IQGAP2: variants seen among roughly 807,000 people sequenced by gnomAD.
IQGAP2 encodes the protein IQ motif containing GTPase activating protein 2, also known as ras GTPase-activating-like protein IQGAP2.
Under a neutral mutation model 201.3 loss-of-function variants are expected in IQGAP2, and 173 were observed. The ratio of observed to expected loss-of-function variants is 0.86; its 90% CI spans 0.76 to 0.98. The LOEUF (loss-of-function observed/expected upper bound fraction) is 0.98, where lower values mean the gene tolerates loss of function less well. IQGAP2 is among the 50% of genes least tolerant of loss of function. The pLI, the probability that IQGAP2 is intolerant of heterozygous loss-of-function variation, is 0.00. For missense variants in IQGAP2, 1,687 were observed against 1,864.8 expected, an observed-to-expected ratio of 0.90 and a Z score of 1.76; for synonymous variants, 675 against 673.9, an observed-to-expected ratio of 1.00 and a Z score of -0.03.
intron 17 of IQGAP2, among the ~76,000 whole-genome samples, chr5:76,642,677 A>G (rs1751684418): frequency 6.6e-6 from 1 of 152,180 alleles, no homozygotes; most frequent in Admixed American, 6.5e-5. Context: ...GATATCTGAG[A>G]AGGTCCCCTA....
At chr5:76,521,675 C>T (rs1050789647) in intron 2 of IQGAP2, among the ~76,000 whole-genome samples, 4 of 152,212 alleles carry the variant, frequency 2.6e-5, no homozygotes, top group Non-Finnish European at 5.9e-5. Context: ...TGTCCCGTGA[C>T]TTTCAGTCCA....
Position 76,403,746 on chromosome 5 carries a change from A to C in IQGAP2, c.46+155A>C, listed in dbSNP as rs572795945. ...GCAAAGTTGGGAGCTGGAGTTGCAA[A>C]GGGCAGTGAATCGCGTCCCCCCGCT... On this transcript the variant is annotated intron_variant, in intron 1 of 35. Transcript: ENST00000274364. This position sits in a 1 kb window ranked among gnomAD's most constrained non-coding sequence, Gnocchi z 4.8. 2.0e-5 allele frequency among the ~76,000 whole-genome samples: 3 copies of C among 152,208 alleles called. No homozygotes were observed. The East Asian group carries it at 5.8e-4, about 30-fold the overall frequency.
chr5:76,447,928 C>T (rs576894849), intron 1 of IQGAP2, among the ~76,000 whole-genome samples: 8 of 152,204 alleles, frequency 5.3e-5, no homozygotes, highest in African/African-American at 1.7e-4. Context: ...GAGCTGTGCC[C>T]CCAAATATTC....
At chr5:76,464,342 T>G (rs778488063) in intron 2 of IQGAP2, among the ~76,000 whole-genome samples, 61 of 152,356 alleles carry the variant, frequency 4.0e-4, no homozygotes, top group Non-Finnish European at 7.1e-4. Context: ...TATTGCATGA[T>G]TCTTTTAAAG....
chr5:76,562,075 A>G (rs1744412678), intron 2 of IQGAP2, among the ~76,000 whole-genome samples: 1 of 152,240 alleles, frequency 6.6e-6, no homozygotes, highest in Non-Finnish European at 1.5e-5. Flanking sequence ...CAGCAGGACT[A>G]ATTCCACCTA....
intron 13 of IQGAP2, chr5:76,617,756 G>C: frequency 6.2e-7 from 1 of 1,613,780 alleles, no homozygotes; most frequent in Non-Finnish European, 8.5e-7. Context: ...GAATAATATT[G>C]CTTGGAGCAA....
Position 76,600,817 on chromosome 5 carries a change from C to G in IQGAP2, c.1077C>G (p.Tyr359Ter). ...FNLQKQNTMNYLAHEELLIAV... is the reference protein window; with the variant it reads ...FNLQKQNTMN ...TGCCATATGTTTTCCAACAGAACTA[C>G]TTGGCCCACGAGGAGCTTTTGATTG... Residue 359 changes from tyrosine (Y) to a stop codon, truncating the protein, a stop_gained, in exon 11 of 36, where the codon TAC becomes TAG. Transcript: ENST00000274364. LOFTEE classifies it high-confidence loss of function. 1 of 1,614,058 alleles carries G rather than the reference C, an allele frequency of 6.2e-7. No individual in the cohort carries two copies. The highest frequency in any genetic ancestry group is 8.5e-7 in the Non-Finnish European group (1 of 1,179,944).
At chr5:76,582,751 C>T (rs1315925990) in intron 5 of IQGAP2, among the ~76,000 whole-genome samples, 1 of 151,910 alleles carries the variant, frequency 6.6e-6, no homozygotes, top group Admixed American at 6.6e-5. Flanking sequence ...ATGTATGTGA[C>T]TAAGATGGAA....
intron 2 of IQGAP2, among the ~76,000 whole-genome samples, chr5:76,560,318 C>CTT (rs34182814): frequency 6.0e-5 from 8 of 133,336 alleles, no homozygotes; most frequent in South Asian, 2.5e-4. Flanking sequence ...ATGCCTGGCT[C>CTT]TTTTTTTTTT....
At position 76,589,728 on chromosome 5, in the gene IQGAP2, T is replaced by C. The variant is rs760094572; in HGVS notation, c.640T>C (p.Leu214=). The C allele has an allele frequency of 1.8e-5, 28 of 1,565,880 alleles. No homozygotes were observed. The highest frequency in any genetic ancestry group is 2.2e-5 in the Non-Finnish European group (25 of 1,152,364). ...TGAACTGTCCGTGGATGAAGCTGCA[T>C]GTAAGTCCATTCAAAATCCAAACTT... The part of the protein sequence containing the change: ...ANELSVDEAA[L]HAAVIAINEA... The change falls in exon 7 of 36, where the codon TTA becomes CTA. Residue 214 remains leucine (L), a splice_region_variant and synonymous_variant. Transcript: ENST00000274364.
chr5:76,535,791 G>C (rs1292169092), intron 2 of IQGAP2, among the ~76,000 whole-genome samples: 2 of 152,190 alleles, frequency 1.3e-5, no homozygotes, highest in Admixed American at 1.3e-4. Flanking sequence ...TGCGCCCAGA[G>C]TAACCTGTTC....
At chr5:76,451,821 G>A (rs1249608375) in intron 1 of IQGAP2, among the ~76,000 whole-genome samples, 10 of 152,106 alleles carry the variant, frequency 6.6e-5, no homozygotes, top group Non-Finnish European at 1.2e-4. Context: ...GATCACTTGC[G>A]GCCAGGAGTT....
At position 76,607,106 on chromosome 5, in the gene IQGAP2, C is replaced by G. The variant is rs906333633; in HGVS notation, c.1357+803C>G. ...TTTGACTTTTCTAACTCATTTGCTC[C>G]AAGCTCGCGGATAGAGTGGGCAGAT... On this transcript the variant is annotated intron_variant, in intron 12 of 35. Coordinates refer to ENST00000274364, the MANE Select transcript of IQGAP2 (RefSeq NM_006633.5). The G allele has an allele frequency of 2.0e-5, 3 of 152,200 alleles. No homozygotes were observed. The East Asian group carries it at 5.8e-4, about 29-fold the overall frequency. The allele number at this position is 152,200 out of a possible 1,614,324, so 9.4% of individuals were successfully genotyped here. A position where few individuals can be genotyped will look rare whatever the true frequency, so the allele number is the denominator to read the frequency against.
chr5:76,632,544 T>G (rs1750795091), intron 15 of IQGAP2, among the ~76,000 whole-genome samples: 1 of 152,208 alleles, frequency 6.6e-6, no homozygotes. Flanking sequence ...CTACACAGTT[T>G]GATACTCATT....
At chr5:76,597,642 T>C (rs770874120) in intron 10 of IQGAP2, 40 bp downstream of exon 10, 31 of 1,605,236 alleles carry the variant, frequency 1.9e-5, no homozygotes, top group South Asian at 9.9e-5. Flanking sequence ...ACGGTAACCC[T>C]GCGTGCCATG....
At chr5:76,558,068 G>A (rs1386789178) in intron 2 of IQGAP2, among the ~76,000 whole-genome samples, 5 of 152,158 alleles carry the variant, frequency 3.3e-5, no homozygotes, top group Non-Finnish European at 2.9e-5. Context: ...GCCTCCCAAA[G>A]CGTTGGGATT....
At chr5:76,539,077 A>G (rs1470517974) in intron 2 of IQGAP2, among the ~76,000 whole-genome samples, 1 of 152,184 alleles carries the variant, frequency 6.6e-6, no homozygotes, top group Non-Finnish European at 1.5e-5. Flanking sequence ...CTGGGTGTTC[A>G]TGCCCCATCA....
At chr5:76,640,305 A>G (rs1416272397) in intron 16 of IQGAP2, among the ~76,000 whole-genome samples, 1 of 152,144 alleles carries the variant, frequency 6.6e-6, no homozygotes, top group South Asian at 2.1e-4. Flanking sequence ...TGCATCTCTC[A>G]TCGGGCATAA....
rs1746754559 is a variant in IQGAP2 at position 76,592,852 on chromosome 5, A to C, written c.834A>C (p.Ser278=). 5 of 1,609,230 alleles carry C rather than the reference A, an allele frequency of 3.1e-6. No homozygotes were observed. The highest frequency in any genetic ancestry group is 3.4e-6 in the Non-Finnish European group (4 of 1,175,716). Residue 278 remains serine (S), a synonymous_variant, in exon 9 of 36, where the codon TCA becomes TCC. Coordinates refer to ENST00000274364, the MANE Select transcript of IQGAP2 (RefSeq NM_006633.5). The part of the protein sequence containing the change: ...ENARLKNSCI[S]EEERDAYEEL... ...TTGTTTTGCAGAATAGCTGTATTTC[A>C]GAAGAAGAAAGAGATGCTTATGAAG...
Sources: gnomAD v4.1 joint callset for allele counts (sites outside exome capture counted in the v4.1 genomes callset) on GRCh38, gnomAD v4.1.1 for gene constraint, Gnocchi (gnomAD v3.1) non-coding constraint, MANE v1.5 for transcripts, NCBI Gene and HGNC (gene_info 2026-07-23, HGNC 2026-07-21) for gene names.